The following PLXDC2 variants were observed in gnomAD, a reference collection of about 807,000 sequenced individuals.
PLXDC2 encodes the protein plexin domain-containing protein 2.
PLXDC2 carries 40 observed loss-of-function variants against 68.9 expected under a neutral mutation model. The observed-to-expected ratio is 0.58, with a 90% confidence interval of 0.45 to 0.76. The LOEUF is 0.76. Ranked by LOEUF, PLXDC2 falls within the 30% of genes least tolerant of loss-of-function variation. The probability of loss-of-function intolerance (pLI) is 0.00; values close to 1 mark genes in which losing one functional copy is unlikely to be tolerated. For missense variants in PLXDC2, 644 were observed against 661.9 expected (o/e 0.97, Z 0.30); for synonymous variants, 243 against 234.2 (o/e 1.04, Z -0.34).
chr10:20,210,978 G>A (rs995266173), intron 9 of PLXDC2, among the ~76,000 whole-genome samples: 1 of 152,102 alleles, frequency 6.6e-6, no homozygotes, highest in Non-Finnish European at 1.5e-5. Flanking sequence ...AACTGTTACA[G>A]CATGGCCCAG....
At chr10:20,249,630 G>A (rs1257012761) in intron 13 of PLXDC2, among the ~76,000 whole-genome samples, 1 of 152,054 alleles carries the variant, frequency 6.6e-6, no homozygotes, top group African/African-American at 2.4e-5. Flanking sequence ...GGCTCACCTG[G>A]GTAATCTAGG....
chr10:19,954,855 A>C (rs1271603394), intron 1 of PLXDC2, among the ~76,000 whole-genome samples: 1 of 152,202 alleles, frequency 6.6e-6, no homozygotes, highest in Non-Finnish European at 1.5e-5. Flanking sequence ...AGGAGAGGTC[A>C]CATAAGTGAT....
At chr10:20,231,884 G>A (rs574738166) in intron 12 of PLXDC2, among the ~76,000 whole-genome samples, 46 of 151,996 alleles carry the variant, frequency 3.0e-4, no homozygotes, top group Non-Finnish European at 5.1e-4. Context: ...AGACATAATG[G>A]CATACGCCTG....
intron 1 of PLXDC2, among the ~76,000 whole-genome samples, chr10:19,962,218 A>T (rs1834164577): frequency 6.6e-6 from 1 of 151,606 alleles, no homozygotes; most frequent in East Asian, 1.9e-4. Context: ...AGATGATTTT[A>T]TGTCTTGTCA....
At chr10:20,044,207 C>CTCTCTCTCTCTCTTTCTT (rs1564293827) in intron 2 of PLXDC2, among the ~76,000 whole-genome samples, 1 of 89,958 alleles carries the variant, frequency 1.1e-5, no homozygotes, top group Non-Finnish European at 2.2e-5. Context: ...CTCTCTCTCT[C>CTCTCTCTCTCTCTTTCTT]TCTGTCTTTC....
At chr10:19,994,751 T>TG (rs1264285499) in intron 1 of PLXDC2, among the ~76,000 whole-genome samples, 12 of 151,712 alleles carry the variant, frequency 7.9e-5, no homozygotes, top group African/African-American at 1.5e-4. Flanking sequence ...TTGATTTTTT[T>TG]TTTGTGTGTG....
intron 9 of PLXDC2, among the ~76,000 whole-genome samples, chr10:20,191,670 G>T (rs763288762): frequency 3.3e-5 from 5 of 150,968 alleles, no homozygotes; most frequent in Admixed American, 6.6e-5. Context: ...GTGGAGGGAG[G>T]GGGGAGGGAT....
intron 1 of PLXDC2, among the ~76,000 whole-genome samples, chr10:19,837,580 T>G (rs1005084995): frequency 6.6e-6 from 1 of 152,114 alleles, no homozygotes; most frequent in Non-Finnish European, 1.5e-5. Flanking sequence ...GTTACATAGT[T>G]TGTGCTTGCT....
At chr10:20,162,789 C>T (rs1161668461) in intron 6 of PLXDC2, among the ~76,000 whole-genome samples, 1 of 151,592 alleles carries the variant, frequency 6.6e-6, no homozygotes, top group Non-Finnish European at 1.5e-5. Context: ...ATCAGCCAGG[C>T]GCAGTAGCTC....
intron 4 of PLXDC2, among the ~76,000 whole-genome samples, chr10:20,094,417 T>G (rs899708385): frequency 2.6e-5 from 4 of 152,180 alleles, no homozygotes; most frequent in African/African-American, 9.6e-5. Flanking sequence ...TGGGTTTGAT[T>G]TTCTGTCCAG....
chr10:20,120,628 G>T (rs374901749), intron 4 of PLXDC2, among the ~76,000 whole-genome samples: 1 of 152,102 alleles, frequency 6.6e-6, no homozygotes, highest in Non-Finnish European at 1.5e-5. Flanking sequence ...TGTCTACCTA[G>T]ACTACGAGGT....
chr10:20,047,095 T>G, intron 3 of PLXDC2, 80 bp downstream of exon 3: 1 of 1,374,832 alleles, frequency 7.3e-7, no homozygotes, highest in South Asian at 1.7e-5. Flanking sequence ...CCATTTCTTT[T>G]ATGAGTTTGA....
chr10:19,867,135 G>A (rs2131339672), intron 1 of PLXDC2, among the ~76,000 whole-genome samples: 1 of 140,396 alleles, frequency 7.1e-6, no homozygotes, highest in South Asian at 2.2e-4. Flanking sequence ...TTGCGATCTT[G>A]GCTCACTGCA....
chr10:20,063,214 A>G (rs908262032), intron 3 of PLXDC2, among the ~76,000 whole-genome samples: 4 of 152,190 alleles, frequency 2.6e-5, no homozygotes, highest in Admixed American at 6.6e-5. Context: ...ATCCTTTGCT[A>G]TGGTAAACTC....
At chr10:20,122,642 G>C (rs1456317963) in intron 4 of PLXDC2, among the ~76,000 whole-genome samples, 1 of 152,214 alleles carries the variant, frequency 6.6e-6, no homozygotes, top group Admixed American at 6.5e-5. Flanking sequence ...GGGGAAGGAG[G>C]TTCTGGAGAA....
chr10:19,866,838 C>T (rs763242311), intron 1 of PLXDC2, among the ~76,000 whole-genome samples: 3 of 152,098 alleles, frequency 2.0e-5, no homozygotes, highest in Non-Finnish European at 4.4e-5. Flanking sequence ...ATTGGTTTGG[C>T]CCAGCAGGGT....
chr10:19,907,366 T>G (rs73601640), intron 1 of PLXDC2, among the ~76,000 whole-genome samples: 8,851 of 152,258 alleles, frequency 0.058, 546 homozygotes, highest in African/African-American at 0.16. Context: ...CCATCCTTGT[T>G]TATGATGTCC....
intron 1 of PLXDC2, among the ~76,000 whole-genome samples, chr10:19,988,306 G>T (rs1192420186): frequency 6.6e-6 from 1 of 152,026 alleles, no homozygotes; most frequent in Non-Finnish European, 1.5e-5. Flanking sequence ...ACCTCTTTTG[G>T]GTTAACTGAC....
chr10:19,835,868 C>G (rs1589492097), intron 1 of PLXDC2, among the ~76,000 whole-genome samples: 1 of 152,040 alleles, frequency 6.6e-6, no homozygotes, highest in South Asian at 2.1e-4. Context: ...GACGTGCCAG[C>G]CTTTTAAAAA....
Sources: gnomAD v4.1 joint callset for allele counts (sites outside exome capture counted in the v4.1 genomes callset) on GRCh38, gnomAD v4.1.1 for gene constraint, MANE v1.5 for transcripts, NCBI Gene and HGNC (gene_info 2026-07-23, HGNC 2026-07-21) for gene names.